RBM14: variants seen among roughly 807,000 people sequenced by gnomAD.
RBM14 encodes the protein RNA-binding protein 14.
In RBM14, 5 loss-of-function variants were observed where a neutral mutation model predicts 52.8. The observed-to-expected ratio is 0.09, with a 90% CI of 0.05 to 0.20. RBM14 has a LOEUF of 0.20. Ranked by LOEUF, RBM14 falls within the 10% of genes least tolerant of loss-of-function variation. The pLI, the probability that RBM14 is intolerant of heterozygous loss-of-function variation, is 1.00. For missense variants in RBM14, 780 were observed against 926.6 expected (o/e 0.84, Z 2.05); for synonymous variants, 411 against 401.8 (o/e 1.02, Z -0.28).
chr11:66,626,778 T>C lies in RBM14; in HGVS notation c.*110T>C. ...CCATACCTTTCCTGGTTGTGGTTTT[T>C]CATGCCCTCTACCATGTGGGCCTTC... is the stretch of plus-strand genomic sequence containing the variant. On this transcript the variant is annotated 3_prime_UTR_variant, in exon 3 of 3. Transcript: ENST00000310137. 9.0e-7 allele frequency: 1 copy of C among 1,105,052 alleles called. No individual in the cohort carries two copies. The highest frequency in any genetic ancestry group is 1.3e-6 in the Non-Finnish European group (1 of 791,754). The allele number at this position is 1,105,052 out of a possible 1,614,324, so 68.5% of individuals were successfully genotyped here.
intron 1 of RBM14, chr11:66,623,938 T>C: frequency 1.4e-6 from 1 of 720,858 alleles, no homozygotes; most frequent in South Asian, 1.5e-5. Flanking sequence ...GCAGTTCATC[T>C]TTGCTCCTTC....
chr11:66,623,686 T>C (rs1438902836), intron 1 of RBM14, among the ~76,000 whole-genome samples: 1 of 152,220 alleles, frequency 6.6e-6, no homozygotes, highest in Non-Finnish European at 1.5e-5. Context: ...TGTGAACTGC[T>C]TGCTTGTTGC....
In RBM14 at chr11:66,628,183, T is replaced by C. The variant is rs1024180052; in HGVS notation, c.*1515T>C. ...GGGGATCGAGGATCTGGGCAAAAAA[T>C]ATGACATTTCCAACCAGGGACAAAA... On this transcript the variant is annotated 3_prime_UTR_variant, in exon 3 of 3. Coordinates refer to ENST00000310137, the MANE Select transcript of RBM14 (RefSeq NM_006328.4). Among the ~76,000 whole-genome samples, 1 of 151,978 alleles carries C rather than the reference T, an allele frequency of 6.6e-6. No individual in the cohort carries two copies. The highest frequency in any genetic ancestry group is 1.5e-5 in the Non-Finnish European group (1 of 67,990).
At chr11:66,622,874 G>A (rs772360204) in intron 1 of RBM14, among the ~76,000 whole-genome samples, 10 of 152,176 alleles carry the variant, frequency 6.6e-5, no homozygotes, top group Non-Finnish European at 1.0e-4. Flanking sequence ...GTACTTGGAT[G>A]CTATCTAAGA....
chr11:66,618,436 C>T, intron 1 of RBM14: 2 of 714,484 alleles, frequency 2.8e-6, no homozygotes, highest in South Asian at 3.0e-5. Context: ...TCATAGTGTC[C>T]ACTACTAGGA....
rs1019419603 is a variant in RBM14 at position 66,618,450 on chromosome 11, A to G, written c.337+1393A>G. ...GTCATAGTGTCCACTACTAGGAACA[A>G]GTCCTTGTTCTGCATTAATACTGCA... On this transcript the variant is annotated intron_variant, in intron 1 of 2. Transcript: ENST00000310137. 3.3e-5 allele frequency: 24 copies of G among 716,944 alleles called. No homozygotes were observed. In the African/African-American group the frequency reaches 3.5e-4, roughly 10 times the overall value. The allele number at this position is 716,944 out of a possible 1,614,324, so 44.4% of individuals were successfully genotyped here.
At chr11:66,623,865 C>T in intron 1 of RBM14, 3 of 717,444 alleles carry the variant, frequency 4.2e-6, no homozygotes, top group Non-Finnish European at 7.8e-6. Flanking sequence ...TCTAGGAACG[C>T]TTTCTGCATT....
In RBM14 at chr11:66,626,638, G is replaced by C; in HGVS notation, c.1980G>C (p.Gln660His). The change falls in exon 3 of 3, where the codon CAG (glutamine) becomes CAC (histidine). Residue 660 changes from glutamine to histidine, a missense_variant. Gln to His is a conservative substitution (Grantham distance 24, BLOSUM62 0). Coordinates refer to ENST00000310137, the MANE Select transcript of RBM14 (RefSeq NM_006328.4). ...ATAATGATTACCTGCGGGCGGCTCA[G>C]ATGCACTCTGGCTACCAGCGCCGCA... Reference protein sequence around the residue: ...GSYNDYLRAAQMHSGYQRRM With the variant: ...GSYNDYLRAAHMHSGYQRRM 2.5e-6 allele frequency: 4 copies of C among 1,611,252 alleles called. No homozygotes were observed. The highest frequency in any genetic ancestry group is 3.4e-6 in the Non-Finnish European group (4 of 1,179,252).
At chr11:66,623,727 G>T (rs1365614776) in intron 1 of RBM14, among the ~76,000 whole-genome samples, 2 of 152,180 alleles carry the variant, frequency 1.3e-5, no homozygotes, top group Non-Finnish European at 2.9e-5. Context: ...ATTGGACATG[G>T]GCTGAGAGAT....
At position 66,625,190 on chromosome 11, in the gene RBM14, A is replaced by C; in HGVS notation, c.1314A>C (p.Thr438=). 1.2e-6 allele frequency: 2 copies of C among 1,612,112 alleles called. No individual in the cohort carries two copies. The highest frequency in any genetic ancestry group is 1.7e-6 in the Non-Finnish European group (2 of 1,179,938). The change falls in exon 2 of 3, where the codon ACA becomes ACC. Residue 438 remains threonine (T), a synonymous_variant. Transcript: ENST00000310137. The surrounding 1 kb of genome is among the most constrained non-coding windows in gnomAD (Gnocchi z 4.2). ...CTGCCTATGTGGCACAGCCAGCCAC[A>C]GCTGCTGCCTATGCCAGCCAGCCAG... ...QPAAYVAQPA[T]AAAYASQPAA... is the part of the protein sequence containing the mutation.
rs760190393 is a variant in RBM14, at chr11:66,625,740, C to T, written c.1802+62C>T. On this transcript the variant is annotated intron_variant, in intron 2 of 2. Coordinates refer to ENST00000310137, the MANE Select transcript of RBM14 (RefSeq NM_006328.4). The surrounding 1 kb of genome is among the most constrained non-coding windows in gnomAD (Gnocchi z 4.2). ...GCTTAGGGCAAGGGGCTGAGGTTGG[C>T]ATGGGAGGGAAACTGGAGGCATCGG... The T allele has an allele frequency of 1.3e-5, 18 of 1,337,742 alleles. No individual in the cohort carries two copies. The South Asian group carries it at 1.9e-4, about 14-fold the overall frequency. The allele number at this position is 1,337,742 out of a possible 1,614,324, so 82.9% of individuals were successfully genotyped here.
chr11:66,625,591 C>T lies in RBM14; in HGVS notation c.1715C>T (p.Thr572Ile). Residue 572 changes from threonine to isoleucine, a missense_variant, in exon 2 of 3, where the codon ACC becomes ATC. By Grantham distance (89) the Thr-to-Ile change is moderately conservative. This residue lies in a region of RBM14 where 675 missense variants were observed against 697.3 expected (regional missense o/e 0.97). Coordinates refer to ENST00000310137, the MANE Select transcript of RBM14 (RefSeq NM_006328.4). This position sits in a 1 kb window ranked among gnomAD's most constrained non-coding sequence, Gnocchi z 4.2. ...SQGAVANANS[T>I]PPPYERTRLS... ...GGGGCCGTTGCCAACGCCAACAGCA[C>T]CCCGCCGCCCTATGAGCGTACCCGC... The T allele has an allele frequency of 1.9e-6, 3 of 1,611,058 alleles. No individual in the cohort carries two copies. The highest frequency in any genetic ancestry group is 2.5e-6 in the Non-Finnish European group (3 of 1,179,760).
chr11:66,621,946 C>T (rs754478988), intron 1 of RBM14, among the ~76,000 whole-genome samples: 7 of 151,710 alleles, frequency 4.6e-5, no homozygotes, highest in Admixed American at 1.3e-4. Flanking sequence ...CGGAGTTTTG[C>T]GCTTGTCACC....
At chr11:66,618,408 TGG>T in intron 1 of RBM14, 1 of 689,730 alleles carries the variant, frequency 1.4e-6, no homozygotes, top group Non-Finnish European at 2.7e-6. Flanking sequence ...GTCCTTTAAG[TGG>T]GGGAAATATA....
chr11:66,626,422 A>T, intron 2 of RBM14, 39 bp from the exon 3 acceptor site: 3 of 1,574,414 alleles, frequency 1.9e-6, no homozygotes, highest in Non-Finnish European at 1.7e-6. Flanking sequence ...TCCTCCCCTC[A>T]ATTGTCTCAT....
At chr11:66,619,733 A>AT (rs1859016044) in intron 1 of RBM14, among the ~76,000 whole-genome samples, 1 of 151,726 alleles carries the variant, frequency 6.6e-6, no homozygotes, top group African/African-American at 2.4e-5. Context: ...CACCCAGCTA[A>AT]TTTTTTGTAT....
At chr11:66,617,447 TC>T (rs1858891360) in intron 1 of RBM14, 4 of 1,036,804 alleles carry the variant, frequency 3.9e-6, no homozygotes, top group Non-Finnish European at 4.6e-6. Flanking sequence ...CTTCCCCACT[TC>T]CTCTCCAGAC....
Position 66,626,844 on chromosome 11 carries a change from T to C in RBM14, c.*176T>C, listed in dbSNP as rs1937839540. 3.1e-6 allele frequency: 2 copies of C among 647,926 alleles called. No homozygotes were observed. The allele number at this position is 647,926 out of a possible 1,614,324, so 40.1% of individuals were successfully genotyped here. A position where few individuals can be genotyped will look rare whatever the true frequency, so the allele number is the denominator to read the frequency against. On this transcript the variant is annotated 3_prime_UTR_variant, in exon 3 of 3. Transcript: ENST00000310137. ...TGTTAAGTGTTCGGCAGTAACCTACTTTGTTCCTTCGCCTCAGCAGCAAAT... is the reference window on the plus strand; with the variant it reads ...TGTTAAGTGTTCGGCAGTAACCTACCTTGTTCCTTCGCCTCAGCAGCAAAT...
At position 66,620,482 on chromosome 11, in the gene RBM14, A is replaced by T. The variant is rs550961841; in HGVS notation, c.337+3425A>T. 3.3e-5 allele frequency among the ~76,000 whole-genome samples: 5 copies of T among 152,096 alleles called. No individual in the cohort carries two copies. In the South Asian group the frequency reaches 1.0e-3, roughly 32 times the overall value. On this transcript the variant is annotated intron_variant, in intron 1 of 2. Transcript: ENST00000310137. Reference sequence around the variant, plus strand: ...ACACCTGGCTAATTTTTGAATTTTTAGTAGAGACAGGGTTTCACTATGTTG... The same window carrying T: ...ACACCTGGCTAATTTTTGAATTTTTTGTAGAGACAGGGTTTCACTATGTTG...
Sources: allele counts gnomAD v4.1 joint callset (sites outside exome capture counted in the v4.1 genomes callset), GRCh38; gene constraint gnomAD v4.1.1; regional missense constraint gnomAD v4.1.1; non-coding constraint Gnocchi (gnomAD v3.1); transcripts MANE v1.5; gene names NCBI Gene and HGNC (gene_info 2026-07-23, HGNC 2026-07-21).